The following GREM2 variants were observed in gnomAD, a reference collection of about 807,000 sequenced individuals.
GREM2 encodes the protein gremlin-2.
Under a neutral mutation model 14.2 loss-of-function variants are expected in GREM2, and 11 were observed. The ratio of observed to expected loss-of-function variants is 0.78; its 90% confidence interval spans 0.49 to 1.28. The LOEUF is 1.28. GREM2 is among the 50% of genes most tolerant of loss of function. The pLI is 0.00. For missense variants in GREM2, 210 were observed against 218.5 expected (o/e 0.96, Z 0.24); for synonymous variants, 98 against 97.6 (o/e 1.00, Z -0.02).
At chr1:240,517,381 T>G (rs1415406459) in intron 1 of GREM2, among the ~76,000 whole-genome samples, 2 of 152,232 alleles carry the variant, frequency 1.3e-5, no homozygotes, top group Non-Finnish European at 2.9e-5. Context: ...TAGTAAATTT[T>G]GTGCAAGGAG....
chr1:240,503,792 C>T (rs10926286), intron 1 of GREM2, among the ~76,000 whole-genome samples: 98,807 of 152,002 alleles, frequency 0.65, 32,432 homozygotes, highest in Middle Eastern at 0.8. Flanking sequence ...TCTTTATTTT[C>T]GCCATGGTCA....
intron 1 of GREM2, among the ~76,000 whole-genome samples, chr1:240,570,162 C>T (rs1023107233): frequency 6.6e-6 from 1 of 152,056 alleles, no homozygotes; most frequent in African/African-American, 2.4e-5. Flanking sequence ...ATGCTATTGT[C>T]TTTTTAAAAC....
intron 1 of GREM2, among the ~76,000 whole-genome samples, chr1:240,596,621 C>G (rs369910557): frequency 6.3e-4 from 96 of 151,852 alleles, no homozygotes; most frequent in African/African-American, 2.3e-3. Context: ...TGCTTGAACC[C>G]AGGAGGCAGA....
At chr1:240,594,529 G>A (rs1679785005) in intron 1 of GREM2, among the ~76,000 whole-genome samples, 1 of 152,054 alleles carries the variant, frequency 6.6e-6, no homozygotes, top group African/African-American at 2.4e-5. Context: ...ACCTTACATG[G>A]GTAGAACATT....
chr1:240,575,580 G>A (rs1204321723), intron 1 of GREM2, among the ~76,000 whole-genome samples: 1 of 151,544 alleles, frequency 6.6e-6, no homozygotes, highest in African/African-American at 2.4e-5. Context: ...GAGTGTGGTG[G>A]CACGATCTTG....
chr1:240,567,090 T>C (rs371393414), intron 1 of GREM2, among the ~76,000 whole-genome samples: 3 of 152,308 alleles, frequency 2.0e-5, no homozygotes, highest in Admixed American at 1.3e-4. Flanking sequence ...AATAAAATTA[T>C]GTATTGCAAA....
chr1:240,530,449 C>T (rs1678328147), intron 1 of GREM2: 1 of 152,182 alleles, frequency 6.6e-6, no homozygotes, highest in Admixed American at 6.5e-5. Flanking sequence ...TCTCCAGATA[C>T]TTTCTACACA....
At chr1:240,594,255 G>T (rs542111927) in intron 1 of GREM2, among the ~76,000 whole-genome samples, 2 of 152,006 alleles carry the variant, frequency 1.3e-5, no homozygotes, top group African/African-American at 2.4e-5. Flanking sequence ...CACTGCTCCC[G>T]GCCTCATCCT....
At chr1:240,556,058 A>G (rs1454480782) in intron 1 of GREM2, among the ~76,000 whole-genome samples, 2 of 152,210 alleles carry the variant, frequency 1.3e-5, no homozygotes, top group Non-Finnish European at 2.9e-5. Flanking sequence ...TACTGAAAAT[A>G]ATGAGAGATT....
intron 1 of GREM2, among the ~76,000 whole-genome samples, chr1:240,556,415 C>T (rs538600641): frequency 6.6e-6 from 1 of 152,280 alleles, no homozygotes; most frequent in Non-Finnish European, 1.5e-5. Context: ...ATTCCACAAT[C>T]AGGAAGTCTA....
intron 1 of GREM2, among the ~76,000 whole-genome samples, chr1:240,574,142 G>A (rs894425797): frequency 1.3e-5 from 2 of 151,912 alleles, no homozygotes; most frequent in African/African-American, 2.4e-5. Context: ...GGCTGGTCTC[G>A]AATTCCTGAC....
chr1:240,599,558 A>T (rs1679881425), intron 1 of GREM2, among the ~76,000 whole-genome samples: 1 of 152,204 alleles, frequency 6.6e-6, no homozygotes, highest in South Asian at 2.1e-4. Context: ...GTTGGTTGAA[A>T]GTCTAAGCAT....
intron 1 of GREM2, among the ~76,000 whole-genome samples, chr1:240,595,258 G>A (rs971087361): frequency 6.6e-6 from 1 of 152,168 alleles, no homozygotes; most frequent in South Asian, 2.1e-4. Context: ...CTTGAACCCA[G>A]GAGGTGGAGG....
chr1:240,513,655 C>T (rs1166133505), intron 1 of GREM2, among the ~76,000 whole-genome samples: 1 of 151,264 alleles, frequency 6.6e-6, no homozygotes. Flanking sequence ...GGGCCAGTAT[C>T]CAGAGATGGG....
rs541661990 is a variant in GREM2, at chr1:240,561,693, TACACACACAC to T, written c.-2+50181_-2+50190del. Among the ~76,000 whole-genome samples the T allele has an allele frequency of 3.4e-5, 5 of 145,720 alleles. 1 individual carries two copies. The highest frequency in any genetic ancestry group is 5.0e-5 in the African/African-American group (2 of 39,748). ...ATTAGTCACACAAAATAATCCTGCA[TACACACACAC>T]ACACACACACACACACACACACAAA... On this transcript the variant is annotated intron_variant, in intron 1 of 1. Coordinates refer to ENST00000318160, the MANE Select transcript of GREM2 (RefSeq NM_022469.4).
intron 1 of GREM2, among the ~76,000 whole-genome samples, chr1:240,554,915 G>A (rs1465657791): frequency 6.6e-6 from 1 of 152,008 alleles, no homozygotes; most frequent in African/African-American, 2.4e-5. Flanking sequence ...AGGTTGAGGC[G>A]GGAGGATCAC....
At chr1:240,535,469 C>T (rs10802885) in intron 1 of GREM2, among the ~76,000 whole-genome samples, 38,540 of 152,014 alleles carry the variant, frequency 0.25, 5,215 homozygotes, top group East Asian at 0.52. Context: ...CCAAGAATGA[C>T]ATCCTTGGTA....
intron 1 of GREM2, among the ~76,000 whole-genome samples, chr1:240,609,608 C>T (rs1260955308): frequency 1.3e-5 from 2 of 151,898 alleles, no homozygotes; most frequent in Admixed American, 6.6e-5. Flanking sequence ...CTTTTTTGTC[C>T]GTAGATATTT....
In GREM2 at chr1:240,562,807, ATG is replaced by A. The variant is rs752625717; in HGVS notation, c.-2+49075_-2+49076del. On this transcript the variant is annotated intron_variant, in intron 1 of 1. Transcript: ENST00000318160. ...TGTGTATGTGTGTATGTGAGTGTGT[ATG>A]TGTGTATTGTGTACACGTGAGTGTG... Among the ~76,000 whole-genome samples, 13 of 146,066 alleles carry A rather than the reference ATG, an allele frequency of 8.9e-5. No homozygotes were observed. In the East Asian group the frequency reaches 1.3e-3, roughly 14 times the overall value.
Sources: allele counts gnomAD v4.1 joint callset (sites outside exome capture counted in the v4.1 genomes callset), GRCh38; gene constraint gnomAD v4.1.1; transcripts MANE v1.5; gene names NCBI Gene and HGNC (gene_info 2026-07-23, HGNC 2026-07-21).